TRUB1: variants seen among roughly 807,000 people sequenced by gnomAD.
TRUB1 encodes the protein pseudouridylate synthase TRUB1.
TRUB1 carries 23 observed loss-of-function variants against 33.9 expected under a neutral mutation model. The observed-to-expected ratio is 0.68, with a 90% confidence interval of 0.49 to 0.96. TRUB1 has a LOEUF of 0.96. TRUB1 is among the 40% of genes least tolerant of loss of function. The pLI, the probability that TRUB1 is intolerant of heterozygous loss-of-function variation, is 0.00. For missense variants in TRUB1, 378 were observed against 422.2 expected (o/e 0.90, Z 0.92); for synonymous variants, 163 against 165.4 (o/e 0.99, Z 0.11).
rs775787204 is a variant in TRUB1, at chr10:114,975,119, A to G, written c.794-4A>G. On this transcript the variant is annotated splice_polypyrimidine_tract_variant and splice_region_variant and intron_variant, in intron 7 of 7. Transcript: ENST00000298746. The stretch of plus-strand genomic sequence containing the variant: ...GATTTTTTTTCTACCTTTTGTTGCC[A>G]TAGAACTATCTTCCTGTGCCAATGT... The G allele has an allele frequency of 7.3e-5, 117 of 1,603,154 alleles. 1 individual carries two copies. In the Middle Eastern group the frequency reaches 1.0e-3, roughly 14 times the overall value.
At chr10:114,952,146 A>G (rs2084238530) in intron 3 of TRUB1, among the ~76,000 whole-genome samples, 1 of 152,208 alleles carries the variant, frequency 6.6e-6, no homozygotes, top group Admixed American at 6.5e-5. Context: ...AAGTATTAAA[A>G]TAAAAGCCCT....
chr10:114,942,059 C>T (rs1041318192), intron 1 of TRUB1, among the ~76,000 whole-genome samples: 1 of 152,178 alleles, frequency 6.6e-6, no homozygotes, highest in African/African-American at 2.4e-5. Flanking sequence ...GCTGGGATTA[C>T]AGGTGTGAGC....
chr10:114,969,649 CTTG>C (rs2143026913), intron 4 of TRUB1: 1 of 146,108 alleles, frequency 6.8e-6, no homozygotes, highest in East Asian at 2.0e-4. Context: ...TTAAAAAATG[CTTG>C]TTTAGTAAGC....
At chr10:114,959,557 C>T (rs1318562347) in intron 3 of TRUB1, among the ~76,000 whole-genome samples, 169 bp from the exon 4 acceptor site, 1 of 152,220 alleles carries the variant, frequency 6.6e-6, no homozygotes, top group Non-Finnish European at 1.5e-5. Context: ...CTTCAGTTTA[C>T]ACAATTGCTT....
chr10:114,968,967 A>T (rs2084322760), intron 4 of TRUB1, among the ~76,000 whole-genome samples: 1 of 152,176 alleles, frequency 6.6e-6, no homozygotes, highest in South Asian at 2.1e-4. Context: ...ATTTCTTACC[A>T]TTGGCTGTGA....
chr10:114,944,797 C>T (rs561457850), intron 2 of TRUB1, among the ~76,000 whole-genome samples: 11 of 152,228 alleles, frequency 7.2e-5, no homozygotes, highest in Admixed American at 2.0e-4. Flanking sequence ...CCAGCTTAGA[C>T]AATGTGGCGA....
chr10:114,948,650 A>G (rs7068264), intron 2 of TRUB1, among the ~76,000 whole-genome samples: 15,586 of 152,212 alleles, frequency 0.1, 1,604 homozygotes, highest in African/African-American at 0.26. Context: ...GCTTTCACTA[A>G]TCACCTCACT....
At chr10:114,943,901 C>T (rs1290251179) in intron 2 of TRUB1, among the ~76,000 whole-genome samples, 7 of 151,414 alleles carry the variant, frequency 4.6e-5, no homozygotes, top group East Asian at 3.9e-4. Flanking sequence ...AAGTCATTTT[C>T]GGCTGGAGAT....
chr10:114,967,009 G>T (rs2084311460), intron 4 of TRUB1, among the ~76,000 whole-genome samples: 1 of 152,166 alleles, frequency 6.6e-6, no homozygotes, highest in South Asian at 2.1e-4. Context: ...CCCCAGCCTT[G>T]TAAGAGCTTT....
chr10:114,941,594 C>T (rs946790384), intron 1 of TRUB1, among the ~76,000 whole-genome samples: 1 of 152,136 alleles, frequency 6.6e-6, no homozygotes, highest in Admixed American at 6.5e-5. Flanking sequence ...CCACCCATCT[C>T]GGCCTCCCAA....
chr10:114,951,038 T>C, intron 2 of TRUB1, 56 bp from the exon 3 acceptor site: 3 of 1,489,210 alleles, frequency 2.0e-6, no homozygotes, highest in Non-Finnish European at 2.8e-6. Context: ...TATAGCTATT[T>C]TAAAAACCTA....
chr10:114,942,600 A>C, intron 1 of TRUB1, 45 bp from the exon 2 acceptor site: 1 of 1,320,472 alleles, frequency 7.6e-7, no homozygotes, highest in East Asian at 2.3e-5. Flanking sequence ...ATCCTACTTC[A>C]TTTGTCTTGG....
intron 2 of TRUB1, among the ~76,000 whole-genome samples, chr10:114,944,284 C>G (rs138177346): frequency 1.1e-4 from 16 of 152,086 alleles, no homozygotes; most frequent in African/African-American, 3.4e-4. Flanking sequence ...AACAGCAAAC[C>G]TTGATCTAAG....
intron 4 of TRUB1, among the ~76,000 whole-genome samples, chr10:114,968,699 G>C (rs2084321650): frequency 6.6e-6 from 1 of 152,190 alleles, no homozygotes; most frequent in African/African-American, 2.4e-5. Context: ...CTGTCTGTTT[G>C]AGTCTAGTAG....
intron 1 of TRUB1, among the ~76,000 whole-genome samples, chr10:114,940,114 AGTTTTT>A (rs950912901): frequency 1.4e-3 from 217 of 151,902 alleles, no homozygotes; most frequent in African/African-American, 4.1e-3. Context: ...TTGCTTGGGA[AGTTTTT>A]GTTTTTGTTT....
At chr10:114,970,782 C>G (rs906705811) in intron 5 of TRUB1, among the ~76,000 whole-genome samples, 1 of 152,198 alleles carries the variant, frequency 6.6e-6, no homozygotes, top group South Asian at 2.1e-4. Flanking sequence ...CCAGTCCCGT[C>G]TGGGAGGGAA....
chr10:114,972,157 G>A lies in TRUB1; in HGVS notation c.619G>A (p.Gly207Arg), dbSNP rs1233447653. The A allele has an allele frequency of 6.2e-7, 1 of 1,613,244 alleles. No homozygotes were observed. The highest frequency in any genetic ancestry group is 1.1e-5 in the South Asian group (1 of 91,000). ...PPLYSALKKD[G>R]QRLSTLMKRG... Reference sequence around the variant, plus strand: ...AAGCTATTCTGCATTAAAGAAAGATGGACAAAGACTTTCGACTTTGATGAA... The same window carrying A: ...AAGCTATTCTGCATTAAAGAAAGATAGACAAAGACTTTCGACTTTGATGAA... Residue 207 changes from glycine (G) to arginine (R), a missense_variant, in exon 6 of 8, where the codon GGA (glycine) becomes AGA (arginine). Gly to Arg is a moderately radical substitution (Grantham distance 125, BLOSUM62 -2). Coordinates refer to ENST00000298746, the MANE Select transcript of TRUB1 (RefSeq NM_139169.5).
At chr10:114,954,928 A>G (rs1172789384) in intron 3 of TRUB1, among the ~76,000 whole-genome samples, 2 of 149,594 alleles carry the variant, frequency 1.3e-5, no homozygotes, top group Non-Finnish European at 3.0e-5. Context: ...TTTCATGGCT[A>G]TCTGTGATTG....
chr10:114,956,810 C>T (rs2084263488), intron 3 of TRUB1, among the ~76,000 whole-genome samples: 2 of 152,048 alleles, frequency 1.3e-5, no homozygotes, highest in African/African-American at 4.8e-5. Flanking sequence ...TACAATAAAT[C>T]TAGGCAGATA....
Sources: allele counts gnomAD v4.1 joint callset (sites outside exome capture counted in the v4.1 genomes callset), GRCh38; gene constraint gnomAD v4.1.1; transcripts MANE v1.5; gene names NCBI Gene and HGNC (gene_info 2026-07-23, HGNC 2026-07-21).